CDH11: variants seen among roughly 807,000 people sequenced by gnomAD.
CDH11 encodes the protein cadherin-11.
Under a neutral mutation model 67.8 loss-of-function variants are expected in CDH11, and 11 were observed. That is an observed-to-expected ratio of 0.16 (90% CI 0.10 to 0.27). CDH11 has a LOEUF of 0.27. CDH11 is among the 10% of genes least tolerant of loss of function. The pLI, the probability that CDH11 is intolerant of heterozygous loss-of-function variation, is 1.00. For missense variants in CDH11, 847 were observed against 1,031.2 expected (o/e 0.82, Z 2.45); for synonymous variants, 419 against 400.0 (o/e 1.05, Z -0.57).
Position 64,947,892 on chromosome 16 carries a change from T to C in CDH11, c.2102A>G (p.Gln701Arg), listed in dbSNP as rs1260319901. The C allele has an allele frequency of 1.2e-6, 2 of 1,614,200 alleles. No homozygotes were observed. The highest frequency in any genetic ancestry group is 3.3e-5 in the Admixed American group (2 of 60,020). Residue 701 changes from glutamine (Q) to arginine (R), a missense_variant, in exon 13 of 13, where the codon CAG becomes CGG. Coordinates refer to ENST00000268603, the MANE Select transcript of CDH11 (RefSeq NM_001797.4). ...CCGGAGCCCAGGTCTAGGCATGTAC[T>C]GATACTCAGGTTTGATGTCTTTGCG... ...IPRKDIKPEY[Q>R]YMPRPGLRPA...
chr16:65,049,228 C>T (rs2074015315), intron 2 of CDH11, among the ~76,000 whole-genome samples: 1 of 152,164 alleles, frequency 6.6e-6, no homozygotes, highest in African/African-American at 2.4e-5. Context: ...AGATTTAGGA[C>T]ATTGCCATAC....
At chr16:65,103,531 G>A (rs559026295) in intron 1 of CDH11, among the ~76,000 whole-genome samples, 3 of 152,254 alleles carry the variant, frequency 2.0e-5, no homozygotes, top group African/African-American at 4.8e-5. Context: ...TATGTAATCC[G>A]ATTCTAACTT....
chr16:65,078,722 G>A (rs2074558629), intron 1 of CDH11, among the ~76,000 whole-genome samples: 1 of 152,236 alleles, frequency 6.6e-6, no homozygotes, highest in East Asian at 1.9e-4. Context: ...AGGCAGGTAA[G>A]CAATAGAGAT....
At position 64,943,983 on chromosome 16, in the gene CDH11, T is replaced by C. The variant is rs1237636218; in HGVS notation, c.*3620A>G. ...AATAACAAGGGTGACCTGCTTTCCATGGAAAAGGAACGTGTTTTTTTTTGT... is the reference window on the plus strand; with the variant it reads ...AATAACAAGGGTGACCTGCTTTCCACGGAAAAGGAACGTGTTTTTTTTTGT... On this transcript the variant is annotated 3_prime_UTR_variant, in exon 13 of 13. Transcript: ENST00000268603. 1 of 231,402 alleles carries C rather than the reference T, an allele frequency of 4.3e-6. No individual in the cohort carries two copies. Among genetic ancestry groups the C allele is most frequent in the Non-Finnish European group, 8.5e-6 (1 of 117,082 alleles). The allele number at this position is 231,402 out of a possible 1,614,324, so 14.3% of individuals were successfully genotyped here.
rs996798976 is a variant in CDH11 at position 65,013,905 on chromosome 16, T to C, written c.-172-8864A>G. 9.2e-5 allele frequency among the ~76,000 whole-genome samples: 14 copies of C among 152,100 alleles called. No individual in the cohort carries two copies. The East Asian group carries it at 2.7e-3, about 29-fold the overall frequency. On this transcript the variant is annotated intron_variant, in intron 2 of 12. Transcript: ENST00000268603. ...AGTGCCAAGAGAAAAAGAGACAATG[T>C]GTGTACTTTGTACAGTACCTGTCAT...
rs190247810 is a variant in CDH11 at position 64,948,424 on chromosome 16, G to C, written c.1895-325C>G. 874 of 629,608 alleles carry C rather than the reference G, an allele frequency of 1.4e-3. 1 individual carries two copies. Among genetic ancestry groups the C allele is most frequent in the Middle Eastern group, 2.5e-3 (6 of 2,428 alleles). 39.0% of individuals were successfully genotyped at this position (629,608 alleles called of 1,614,324 possible). A position where few individuals can be genotyped will look rare whatever the true frequency, so the allele number is the denominator to read the frequency against. ...AGGAAGATTCTAAATATGTTGGTCT[G>C]TAGTCTCTTAGAAGTGGCTAATGCC... On this transcript the variant is annotated intron_variant, in intron 12 of 12. Coordinates refer to ENST00000268603, the MANE Select transcript of CDH11 (RefSeq NM_001797.4).
chr16:65,042,222 A>T (rs1012502502), intron 2 of CDH11, among the ~76,000 whole-genome samples: 32 of 152,224 alleles, frequency 2.1e-4, no homozygotes, highest in Non-Finnish European at 5.9e-5. Context: ...CAGGGCTTAG[A>T]ATCCCATGGG....
At chr16:64,950,724 G>C in intron 12 of CDH11, 43 bp downstream of exon 12, 1 of 1,594,726 alleles carries the variant, frequency 6.3e-7, no homozygotes, top group South Asian at 1.1e-5. Flanking sequence ...AGGGGCATCC[G>C]GTTGCCTGGC....
intron 12 of CDH11, among the ~76,000 whole-genome samples, chr16:64,949,816 C>G (rs1477753260): frequency 6.6e-6 from 1 of 152,156 alleles, no homozygotes; most frequent in Non-Finnish European, 1.5e-5. Context: ...TGCATACTTT[C>G]CTTGACATTC....
At chr16:65,018,409 C>CA (rs575321945) in intron 2 of CDH11, among the ~76,000 whole-genome samples, 1 of 151,860 alleles carries the variant, frequency 6.6e-6, no homozygotes, top group East Asian at 1.9e-4. Flanking sequence ...TGTCTGGTTA[C>CA]AAAAAAATTT....
intron 1 of CDH11, among the ~76,000 whole-genome samples, chr16:65,062,789 A>C (rs1482961993): frequency 6.6e-6 from 1 of 152,254 alleles, no homozygotes; most frequent in Non-Finnish European, 1.5e-5. Context: ...CCAATGACTT[A>C]GTAAATAAAA....
chr16:64,953,107 T>G (rs1441767934), intron 11 of CDH11, among the ~76,000 whole-genome samples: 4 of 152,116 alleles, frequency 2.6e-5, no homozygotes, highest in Non-Finnish European at 5.9e-5. Context: ...AGTTTCAAAT[T>G]TTGTATTATT....
intron 1 of CDH11, among the ~76,000 whole-genome samples, chr16:65,089,570 A>G (rs1456664834): frequency 5.9e-5 from 9 of 152,174 alleles, no homozygotes; most frequent in African/African-American, 2.2e-4. Context: ...AGGATGTGTA[A>G]CTGCTAGTTA....
chr16:64,952,223 C>T (rs952255767), intron 11 of CDH11, among the ~76,000 whole-genome samples: 1 of 152,186 alleles, frequency 6.6e-6, no homozygotes, highest in Non-Finnish European at 1.5e-5. Context: ...CCATCCAAGA[C>T]CTCTCCCATC....
chr16:64,977,811 G>C (rs1177827888), intron 8 of CDH11, among the ~76,000 whole-genome samples: 4 of 152,156 alleles, frequency 2.6e-5, no homozygotes, highest in Admixed American at 6.5e-5. Context: ...TAGCCACAAA[G>C]GATGTCAGTG....
chr16:65,118,081 G>T (rs76774256), intron 1 of CDH11, among the ~76,000 whole-genome samples: 18,802 of 152,164 alleles, frequency 0.12, 1,273 homozygotes, highest in East Asian at 0.21. Flanking sequence ...GCCAGACAAG[G>T]CTTGTAAGTA....
chr16:65,109,251 C>G (rs143884775), intron 1 of CDH11, among the ~76,000 whole-genome samples: 198 of 152,258 alleles, frequency 1.3e-3, no homozygotes, highest in Non-Finnish European at 2.5e-3. Flanking sequence ...AAATCAAAGC[C>G]CTTATGAGGT....
At chr16:64,948,745 A>T (rs764260550) in intron 12 of CDH11, 1 of 1,561,352 alleles carries the variant, frequency 6.4e-7, no homozygotes, top group Non-Finnish European at 8.8e-7. Context: ...AAGCAATCTC[A>T]TGTCTTCCCT....
chr16:65,026,945 ACCCAGCT>A, intron 2 of CDH11, among the ~76,000 whole-genome samples: 1 of 152,216 alleles, frequency 6.6e-6, no homozygotes, highest in Non-Finnish European at 1.5e-5. Context: ...TAATAAATGG[ACCCAGCT>A]CAACAGGAGA....
Sources: gnomAD v4.1 joint callset for allele counts (sites outside exome capture counted in the v4.1 genomes callset) on GRCh38, gnomAD v4.1.1 for gene constraint, MANE v1.5 for transcripts, NCBI Gene and HGNC (gene_info 2026-07-23, HGNC 2026-07-21) for gene names.